Variants in RAB38 observed in about 807,000 individuals in gnomAD.
The protein encoded by RAB38 is RAB38, member RAS oncogene family.
Under a neutral mutation model 18.4 loss-of-function variants are expected in RAB38, and 15 were observed. That is an observed-to-expected ratio of 0.82 (90% CI 0.55 to 1.26). The LOEUF is 1.26. RAB38 is among the 50% of genes most tolerant of loss of function. The pLI is 0.00. For missense variants in RAB38, 294 were observed against 267.4 expected (o/e 1.10, Z -0.69); for synonymous variants, 101 against 104.4 (o/e 0.97, Z 0.20).
the RAB38 span, among the ~76,000 whole-genome samples, chr11:87,893,390 A>AT: frequency 3.2e-5 from 3 of 93,890 alleles, no homozygotes; most frequent in Non-Finnish European, 6.2e-5. Context: ...ATATATATAT[A>AT]TTTTTTTTTT....
the RAB38 span, among the ~76,000 whole-genome samples, chr11:87,842,323 G>T: frequency 6.6e-6 from 1 of 152,032 alleles, no homozygotes; most frequent in African/African-American, 2.4e-5. Context: ...GGATAAAGAA[G>T]AAAAAATAAG....
chr11:88,013,216 T>G, the RAB38 span, among the ~76,000 whole-genome samples: 1 of 152,144 alleles, frequency 6.6e-6, no homozygotes. Context: ...TTGGAGAATA[T>G]AAATTAGGAA....
chr11:87,857,560 C>T, the RAB38 span, among the ~76,000 whole-genome samples: 1 of 152,190 alleles, frequency 6.6e-6, no homozygotes, highest in Non-Finnish European at 1.5e-5. Context: ...ACCATTCTAA[C>T]TGGTGTGAGA....
chr11:87,923,801 TG>T, the RAB38 span, among the ~76,000 whole-genome samples: 10 of 151,852 alleles, frequency 6.6e-5, no homozygotes, highest in African/African-American at 2.4e-4. Flanking sequence ...TTAATTCTTA[TG>T]GGAACACTGT....
At chr11:88,016,089 T>C in the RAB38 span, among the ~76,000 whole-genome samples, 2 of 152,182 alleles carry the variant, frequency 1.3e-5, no homozygotes, top group Admixed American at 1.3e-4. Flanking sequence ...AGCTGTCCAC[T>C]GAATGCCAGC....
the RAB38 span, among the ~76,000 whole-genome samples, chr11:87,902,247 C>G: frequency 6.6e-6 from 1 of 151,422 alleles, no homozygotes; most frequent in Admixed American, 6.6e-5. Context: ...ATAAGGCCAC[C>G]AAACTTTTAG....
At chr11:88,158,414 T>G (rs1943150499) in intron 1 of RAB38, among the ~76,000 whole-genome samples, 1 of 152,000 alleles carries the variant, frequency 6.6e-6, no homozygotes, top group South Asian at 2.1e-4. Flanking sequence ...GTCTCCTCCC[T>G]AACTCATTCT....
chr11:88,130,339 G>A (rs1405772151), intron 2 of RAB38, among the ~76,000 whole-genome samples: 18 of 152,058 alleles, frequency 1.2e-4, no homozygotes, highest in Non-Finnish European at 7.4e-5. Context: ...AGATTCGAGC[G>A]GTGTCTGAAC....
At chr11:88,129,735 T>G (rs1357633480) in intron 2 of RAB38, among the ~76,000 whole-genome samples, 2 of 152,360 alleles carry the variant, frequency 1.3e-5, no homozygotes, top group East Asian at 3.8e-4. Context: ...TGGCTTAAAA[T>G]GAATAAGATG....
chr11:88,007,958 G>A, the RAB38 span, among the ~76,000 whole-genome samples: 1 of 152,004 alleles, frequency 6.6e-6, no homozygotes, highest in Non-Finnish European at 1.5e-5. Flanking sequence ...TCAAAAATAC[G>A]TTGAGTAAAG....
the RAB38 span, among the ~76,000 whole-genome samples, chr11:88,030,477 G>T: frequency 6.6e-6 from 1 of 151,992 alleles, no homozygotes. Flanking sequence ...TTGATAGACT[G>T]CTAGCAAGAC....
the RAB38 span, among the ~76,000 whole-genome samples, chr11:88,027,169 T>A: frequency 1.3e-5 from 2 of 152,196 alleles, no homozygotes; most frequent in Non-Finnish European, 2.9e-5. Flanking sequence ...GAGTTTTTTT[T>A]AAATTGTGGT....
chr11:88,045,086 TA>T, the RAB38 span, among the ~76,000 whole-genome samples: 2 of 152,212 alleles, frequency 1.3e-5, no homozygotes, highest in South Asian at 4.1e-4. Flanking sequence ...TCATCGAATA[TA>T]AAAACCCAGC....
the RAB38 span, among the ~76,000 whole-genome samples, chr11:87,846,163 A>G: frequency 6.6e-6 from 1 of 152,202 alleles, no homozygotes; most frequent in South Asian, 2.1e-4. Context: ...ATTCAAAGGA[A>G]AATCAGGAAG....
At chr11:88,027,684 T>C in the RAB38 span, among the ~76,000 whole-genome samples, 1 of 149,430 alleles carries the variant, frequency 6.7e-6, no homozygotes, top group Non-Finnish European at 1.5e-5. Context: ...GCGCCCGCCA[T>C]TGCCCAGGCT....
chr11:87,863,799 T>G, the RAB38 span, among the ~76,000 whole-genome samples: 1 of 151,872 alleles, frequency 6.6e-6, no homozygotes, highest in Admixed American at 6.6e-5. Context: ...CAACCTAGCC[T>G]CACTGACTTC....
the RAB38 span, among the ~76,000 whole-genome samples, chr11:87,840,665 T>C: frequency 2.6e-5 from 4 of 152,084 alleles, no homozygotes; most frequent in Admixed American, 2.6e-4. Context: ...TTTGTAAGAG[T>C]TCCCAAAGAC....
the RAB38 span, among the ~76,000 whole-genome samples, chr11:87,839,659 A>T: frequency 1.3e-5 from 2 of 152,332 alleles, no homozygotes; most frequent in South Asian, 4.1e-4. Context: ...GCAGAAGTAG[A>T]AGTATTTTTA....
At chr11:88,043,006 C>G in the RAB38 span, among the ~76,000 whole-genome samples, 3 of 151,334 alleles carry the variant, frequency 2.0e-5, no homozygotes. Context: ...TAAAAGCTCT[C>G]TCACCACACA....
Sources: gnomAD v4.1 joint callset for allele counts (sites outside exome capture counted in the v4.1 genomes callset) on GRCh38, gnomAD v4.1.1 for gene constraint, MANE v1.5 for transcripts, NCBI Gene and HGNC (gene_info 2026-07-23, HGNC 2026-07-21) for gene names.